The following CYP21A2 variants were observed in gnomAD, a reference collection of about 807,000 sequenced individuals.
The protein encoded by CYP21A2 is steroid 21-hydroxylase.
Under a neutral mutation model 47.4 loss-of-function variants are expected in CYP21A2, and 24 were observed. The ratio of observed to expected loss-of-function variants is 0.51; its 90% CI spans 0.37 to 0.71. CYP21A2 has a LOEUF of 0.71. Ranked by LOEUF, CYP21A2 falls within the 30% of genes least tolerant of loss-of-function variation. The pLI, the probability that CYP21A2 is intolerant of heterozygous loss-of-function variation, is 0.00. For missense variants in CYP21A2, 358 were observed against 643.2 expected (o/e 0.56, Z 4.80); for synonymous variants, 130 against 273.9 (o/e 0.47, Z 5.19).
rs182037914 is a variant in CYP21A2 at position 32,040,793 on chromosome 6, T to C, written c.1222+22T>C. The C allele has an allele frequency of 1.5e-3, 2,491 of 1,611,456 alleles. 5 individuals carry two copies. The highest frequency in any genetic ancestry group is 2.0e-3 in the Non-Finnish European group (2,364 of 1,178,194). On this transcript the variant is annotated intron_variant, in intron 9 of 9. Transcript: ENST00000644719. ...CCTGGTATGTGGGGGGCCGGGGGCC[T>C]GCCGTGAAAATGTGGTGGAGGCTGG...
chr6:32,038,932 C>G, intron 2 of CYP21A2, 121 bp downstream of exon 2: 1 of 1,440,512 alleles, frequency 6.9e-7, no homozygotes, highest in Non-Finnish European at 9.6e-7. Context: ...ACCTCAGCCT[C>G]AAGTGTGAGC....
chr6:32,041,157 G>A lies in CYP21A2; in HGVS notation c.*23G>A, dbSNP rs772066433. 2.5e-5 allele frequency: 39 copies of A among 1,577,030 alleles called. No individual in the cohort carries two copies. The East Asian group carries it at 2.9e-4, about 12-fold the overall frequency. On this transcript the variant is annotated 3_prime_UTR_variant, in exon 10 of 10. Coordinates refer to ENST00000644719, the MANE Select transcript of CYP21A2 (RefSeq NM_000500.9). The stretch of plus-strand genomic sequence containing the variant: ...TGATGGGGCAGGACCGATGCCAGCC[G>A]GGTACCTCAGTTTCTCCTTTATTGC...
chr6:32,041,208 C>A lies in CYP21A2; in HGVS notation c.*74C>A. 2.2e-6 allele frequency: 2 copies of A among 927,632 alleles called. No homozygotes were observed. The highest frequency in any genetic ancestry group is 2.4e-5 in the East Asian group (1 of 40,974). The allele number at this position is 927,632 out of a possible 1,614,324, so 57.5% of individuals were successfully genotyped here. ...TCCCGTACGAACCCCTCCCCTCCCC[C>A]CTGTAAACACAGTGCTGCGAGATCG... is the stretch of plus-strand genomic sequence containing the variant. On this transcript the variant is annotated 3_prime_UTR_variant, in exon 10 of 10. Coordinates refer to ENST00000644719, the MANE Select transcript of CYP21A2 (RefSeq NM_000500.9).
chr6:32,038,697 T>C (rs1582300515), intron 1 of CYP21A2, 25 bp from the exon 2 acceptor site: 3 of 1,471,860 alleles, frequency 2.0e-6, no homozygotes, highest in Non-Finnish European at 1.9e-6. Flanking sequence ...CTCTCTCCGC[T>C]GACGCTGCTT....
rs1401769980 is a variant in CYP21A2, at chr6:32,039,341, A to G, written c.448-15A>G. 7 of 1,601,590 alleles carry G rather than the reference A, an allele frequency of 4.4e-6. No individual in the cohort carries two copies. Among genetic ancestry groups the G allele is most frequent in the Middle Eastern group, 1.6e-4 (1 of 6,064 alleles). On this transcript the variant is annotated splice_polypyrimidine_tract_variant and intron_variant, in intron 3 of 9. Transcript: ENST00000644719. ...CTGCACAGCGGCCTGCTGAACTCAC[A>G]CTGTTTCTCCACAGCGCATGAGAGC...
rs1058152 is a variant in CYP21A2, at chr6:32,041,186, C to G, written c.*52C>G. ...ACCTCAGTTTCTCCTTTATTGCTCCCGTACGAACCCCTCCCCTCCCCCCTG... is the reference window on the plus strand; with the variant it reads ...ACCTCAGTTTCTCCTTTATTGCTCCGGTACGAACCCCTCCCCTCCCCCCTG... On this transcript the variant is annotated 3_prime_UTR_variant, in exon 10 of 10. Coordinates refer to ENST00000644719, the MANE Select transcript of CYP21A2 (RefSeq NM_000500.9). 2 of 1,229,736 alleles carry G rather than the reference C, an allele frequency of 1.6e-6. No homozygotes were observed. The highest frequency in any genetic ancestry group is 1.2e-5 in the South Asian group (1 of 83,168). 76.2% of individuals were successfully genotyped at this position (1,229,736 alleles called of 1,614,324 possible). A position where few individuals can be genotyped will look rare whatever the true frequency, so the allele number is the denominator to read the frequency against.
intron 5 of CYP21A2, 38 bp downstream of exon 5, chr6:32,039,685 G>C: frequency 6.4e-7 from 1 of 1,568,452 alleles, no homozygotes; most frequent in Non-Finnish European, 8.6e-7. Flanking sequence ...GGGTTGTAGG[G>C]GAGAGGCTGG....
At position 32,041,405 on chromosome 6, in the gene CYP21A2, A is replaced by G; in HGVS notation, c.*271A>G. 1 of 1,104,166 alleles carries G rather than the reference A, an allele frequency of 9.1e-7. No homozygotes were observed. The highest frequency in any genetic ancestry group is 1.3e-6 in the Non-Finnish European group (1 of 743,104). The allele number at this position is 1,104,166 out of a possible 1,614,324, so 68.4% of individuals were successfully genotyped here. A position where few individuals can be genotyped will look rare whatever the true frequency, so the allele number is the denominator to read the frequency against. On this transcript the variant is annotated 3_prime_UTR_variant, in exon 10 of 10. Transcript: ENST00000644719. Reference sequence around the variant, plus strand: ...CTTGGTCTCAGCTTCATTTCCGTGAAGGGCACCGAGAACTCGAAGCCCTTC... The same window carrying G: ...CTTGGTCTCAGCTTCATTTCCGTGAGGGGCACCGAGAACTCGAAGCCCTTC...
At position 32,040,519 on chromosome 6, in the gene CYP21A2, C is replaced by T. The variant is rs146473100; in HGVS notation, c.1053C>T (p.Ala351=). Residue 351 remains alanine, a synonymous_variant, in exon 8 of 10, where the codon GCC becomes GCT. Transcript: ENST00000644719. ...ARLPLLNATI[A]EVLRLRPVVP... ...TGCCCTTGCTCAATGCCACCATCGC[C>T]GAGGTGCTGCGCCTGCGGCCCGTTG... 2.2e-4 allele frequency: 347 copies of T among 1,613,568 alleles called. No homozygotes were observed. Among genetic ancestry groups the T allele is most frequent in the African/African-American group, 5.9e-4 (44 of 75,072 alleles).
rs1562761582 is a variant in CYP21A2 at position 32,040,469 on chromosome 6, G to T, written c.1003G>T (p.Val335Phe). ...ELGPGASSSR[V>F]PYKDRARLPL... ...GGGCCCTGGTGCCTCCAGCTCCCGG[G>T]TCCCCTACAAGGACCGTGCACGGCT... Residue 335 changes from valine to phenylalanine, a missense_variant, in exon 8 of 10, where the codon GTC becomes TTC. Coordinates refer to ENST00000644719, the MANE Select transcript of CYP21A2 (RefSeq NM_000500.9). The T allele has an allele frequency of 1.2e-6, 2 of 1,613,264 alleles. No individual in the cohort carries two copies. Among genetic ancestry groups the T allele is most frequent in the Non-Finnish European group, 8.5e-7 (1 of 1,179,768 alleles).
Position 32,039,147 on chromosome 6 carries a change from C to T in CYP21A2, c.346C>T (p.Leu116Phe). Residue 116 changes from leucine (L) to phenylalanine (F), a missense_variant, in exon 3 of 10, where the codon CTC (leucine) becomes TTC (phenylalanine). Physicochemically the swap from Leu to Phe is conservative, Grantham distance 22. Transcript: ENST00000644719. ...PDLSLGDYSL[L>F]WKAHKKLTRS... ...CCTGTCCTTGGGAGACTACTCCCTGCTCTGGAAAGCCCACAAGAAGCTCAC... is the reference window on the plus strand; with the variant it reads ...CCTGTCCTTGGGAGACTACTCCCTGTTCTGGAAAGCCCACAAGAAGCTCAC... 6.2e-7 allele frequency: 1 copy of T among 1,611,324 alleles called. No individual in the cohort carries two copies. Among genetic ancestry groups the T allele is most frequent in the Non-Finnish European group, 8.5e-7 (1 of 1,178,852 alleles).
In CYP21A2 at chr6:32,040,648, C is replaced by G. The variant is rs1204146390; in HGVS notation, c.1119-20C>G. The G allele has an allele frequency of 1.2e-6, 2 of 1,606,216 alleles. No individual in the cohort carries two copies. Among genetic ancestry groups the G allele is most frequent in the Non-Finnish European group, 1.7e-6 (2 of 1,173,612 alleles). The stretch of plus-strand genomic sequence containing the variant: ...AGCCCAGGGAGGTCCTGGCCAGCCT[C>G]TAACTCCAGCCCCCTTCAGCATCTC... On this transcript the variant is annotated intron_variant, in intron 8 of 9. Transcript: ENST00000644719.
In CYP21A2 at chr6:32,039,471, C is replaced by T; in HGVS notation, c.549+14C>T. 6.3e-7 allele frequency: 1 copy of T among 1,592,746 alleles called. No individual in the cohort carries two copies. The highest frequency in any genetic ancestry group is 8.6e-7 in the Non-Finnish European group (1 of 1,169,134). On this transcript the variant is annotated intron_variant, in intron 4 of 9. Coordinates refer to ENST00000644719, the MANE Select transcript of CYP21A2 (RefSeq NM_000500.9). Reference sequence around the variant, plus strand: ...GACAAGATCAAGGTGCCTCACAGCCCCTCAGGCCCACCCCCAGCCCCTCCC... The same window carrying T: ...GACAAGATCAAGGTGCCTCACAGCCTCTCAGGCCCACCCCCAGCCCCTCCC...
chr6:32,039,343 T>A lies in CYP21A2; in HGVS notation c.448-13T>A, dbSNP rs1776084364. The A allele has an allele frequency of 1.2e-5, 19 of 1,602,678 alleles. No homozygotes were observed. The highest frequency in any genetic ancestry group is 1.7e-5 in the Admixed American group (1 of 58,574). ...GCACAGCGGCCTGCTGAACTCACAC[T>A]GTTTCTCCACAGCGCATGAGAGCCC... On this transcript the variant is annotated splice_polypyrimidine_tract_variant and intron_variant, in intron 3 of 9. Coordinates refer to ENST00000644719, the MANE Select transcript of CYP21A2 (RefSeq NM_000500.9).
rs1776144441 is a variant in CYP21A2, at chr6:32,039,786, C to A, written c.689C>A (p.Ala230Asp). 1.2e-6 allele frequency: 2 copies of A among 1,613,736 alleles called. No individual in the cohort carries two copies. The highest frequency in any genetic ancestry group is 2.7e-5 in the African/African-American group (2 of 74,900). ...CCAGGTCTCCGGAGGCTGAAGCAGG[C>A]CATAGAGAAGAGGGATCACATCGTG... Reference protein sequence around the residue: ...PNPGLRRLKQAIEKRDHIVEM... With the variant: ...PNPGLRRLKQDIEKRDHIVEM... The change falls in exon 6 of 10, where the codon GCC (alanine) becomes GAC (aspartate). Residue 230 changes from alanine to aspartate, a missense_variant. Transcript: ENST00000644719.
At position 32,041,045 on chromosome 6, in the gene CYP21A2, C is replaced by T; in HGVS notation, c.1399C>T (p.His467Tyr). 2 of 1,217,222 alleles carry T rather than the reference C, an allele frequency of 1.6e-6. No homozygotes were observed. The highest frequency in any genetic ancestry group is 2.5e-5 in the East Asian group (1 of 40,734). 75.4% of individuals were successfully genotyped at this position (1,217,222 alleles called of 1,614,324 possible). A position where few individuals can be genotyped will look rare whatever the true frequency, so the allele number is the denominator to read the frequency against. ...CCTGCCCTCCCTGCAGCCCCTGCCC[C>T]ACTGCAGTGTCATCCTCAAGATGCA... ...DALPSLQPLPHCSVILKMQPF... is the reference protein window; with the variant it reads ...DALPSLQPLPYCSVILKMQPF... The change falls in exon 10 of 10, where the codon CAC (histidine) becomes TAC (tyrosine). Residue 467 changes from histidine to tyrosine, a missense_variant. Physicochemically the swap from His to Tyr is moderately conservative, Grantham distance 83. Transcript: ENST00000644719.
chr6:32,039,982 C>A, intron 6 of CYP21A2, 23 bp from the exon 7 acceptor site: 1 of 1,611,764 alleles, frequency 6.2e-7, no homozygotes, highest in African/African-American at 1.3e-5. Context: ...AGCCGCTCAG[C>A]CCGCTCCTTT....
rs758864534 is a variant in CYP21A2 at position 32,038,459 on chromosome 6, C to T, written c.37C>T (p.Leu13=). ...GGGCCTGCTGCTGCTGCTGCCCCTG[C>T]TGGCTGGCGCCCGCCTGCTGTGGAA... The part of the protein sequence containing the change: ...LLGLLLLLPL[L]AGARLLWNWW... The change falls in exon 1 of 10, where the codon CTG becomes TTG. Residue 13 remains leucine (L), a synonymous_variant. Coordinates refer to ENST00000644719, the MANE Select transcript of CYP21A2 (RefSeq NM_000500.9). 6.4e-7 allele frequency: 1 copy of T among 1,565,408 alleles called. No individual in the cohort carries two copies. The highest frequency in any genetic ancestry group is 1.2e-5 in the South Asian group (1 of 86,088).
In CYP21A2 at chr6:32,039,264, T is replaced by C. The variant is rs1343538510; in HGVS notation, c.447+16T>C. 3.8e-6 allele frequency: 6 copies of C among 1,575,054 alleles called. No homozygotes were observed. The highest frequency in any genetic ancestry group is 1.4e-5 in the African/African-American group (1 of 73,896). ...GTTCTGTGAGGTAAGGCTGGGCTCCTGAGGCCACCTCGGGTCAGCCTCGCC... is the reference window on the plus strand; with the variant it reads ...GTTCTGTGAGGTAAGGCTGGGCTCCCGAGGCCACCTCGGGTCAGCCTCGCC... On this transcript the variant is annotated intron_variant, in intron 3 of 9. Transcript: ENST00000644719.
Sources: allele counts gnomAD v4.1 joint callset, GRCh38; gene constraint gnomAD v4.1.1; transcripts MANE v1.5; gene names NCBI Gene and HGNC (gene_info 2026-07-23, HGNC 2026-07-21).